Variants in ROR1 observed in about 807,000 individuals in gnomAD.
ROR1 encodes ROR family WNT receptor 1.
A neutral mutation model predicts 78.8 loss-of-function variants in ROR1; 19 were observed. The ratio of observed to expected loss-of-function variants is 0.24; its 90% CI spans 0.17 to 0.35. ROR1 has a LOEUF of 0.35. ROR1 is among the 10% of genes least tolerant of loss of function. The pLI is 1.00. For synonymous variants in ROR1, 386 were observed against 433.6 expected, an observed-to-expected ratio of 0.89 and a Z score of 1.36; for missense variants, 917 against 1,177.8, an observed-to-expected ratio of 0.78 and a Z score of 3.24.
Position 64,136,355 on chromosome 1 carries a change from ATTTTT to A in ROR1, c.483-1001_483-997del, listed in dbSNP as rs561354647. On this transcript the variant is annotated intron_variant, in intron 4 of 8. Coordinates refer to ENST00000371079, the MANE Select transcript of ROR1 (RefSeq NM_005012.4). ...AGAAACCAAAGGGGAAAAACGGTGT[ATTTTT>A]TTTTTTTTTTTTGAGATGATATATT... is the stretch of plus-strand genomic sequence containing the variant. Among the ~76,000 whole-genome samples the A allele has an allele frequency of 3.8e-3, 527 of 138,008 alleles. 6 individuals are homozygous for A. Among genetic ancestry groups the A allele is most frequent in the African/African-American group, 0.013 (513 of 38,068 alleles). The allele number at this position is 138,008 out of a possible 152,430, so 90.5% of individuals were successfully genotyped here.
At chr1:64,143,165 T>A in intron 7 of ROR1, 2 of 989,484 alleles carry the variant, frequency 2.0e-6, no homozygotes, top group Non-Finnish European at 2.4e-6. Flanking sequence ...AGGTATCTAG[T>A]AAGAAAATGG....
intron 7 of ROR1, among the ~76,000 whole-genome samples, chr1:64,152,340 C>G (rs1649652214): frequency 6.6e-6 from 1 of 152,144 alleles, no homozygotes; most frequent in African/African-American, 2.4e-5. Context: ...CTTTAGAGCC[C>G]TCCTTAAAAA....
intron 1 of ROR1, among the ~76,000 whole-genome samples, chr1:63,890,363 T>C (rs1645385480): frequency 6.6e-6 from 1 of 151,322 alleles, no homozygotes; most frequent in African/African-American, 2.4e-5. Context: ...TTATTCATTC[T>C]ACTCATTTAC....
chr1:64,012,918 T>C (rs779973230), intron 2 of ROR1, among the ~76,000 whole-genome samples: 2 of 152,174 alleles, frequency 1.3e-5, no homozygotes, highest in East Asian at 3.9e-4. Flanking sequence ...TCAAGAATAG[T>C]AGTGATCTGG....
At chr1:63,809,601 G>A (rs1644848603) in intron 1 of ROR1, among the ~76,000 whole-genome samples, 1 of 152,204 alleles carries the variant, frequency 6.6e-6, no homozygotes, top group Non-Finnish European at 1.5e-5. Context: ...TTAAGCAAAC[G>A]TGAATGTACT....
In ROR1 at chr1:64,142,644, G is replaced by A. The variant is rs938683403; in HGVS notation, c.1168G>A (p.Ala390Thr). The change falls in exon 7 of 9, where the codon GCG becomes ACG. Residue 390 changes from alanine to threonine, a missense_variant. Physicochemically the swap from Ala to Thr is moderately conservative, Grantham distance 58. Around this residue, in one of 3 missense-constraint regions of ROR1, gnomAD observed 835 missense variants for 1,069.8 expected, o/e 0.78. Coordinates refer to ENST00000371079, the MANE Select transcript of ROR1 (RefSeq NM_005012.4). ...NFKSDLCDIP[A>T]CDSKDSKEKN... The stretch of plus-strand genomic sequence containing the variant: ...TAAGTCTGATCTGTGTGACATCCCA[G>A]CGTGCGGTAAATAGAAGTCATTGCC... 6.2e-7 allele frequency: 1 copy of A among 1,614,046 alleles called. No homozygotes were observed. Among genetic ancestry groups the A allele is most frequent in the South Asian group, 1.1e-5 (1 of 91,070 alleles).
At chr1:63,862,278 C>T (rs533021893) in intron 1 of ROR1, among the ~76,000 whole-genome samples, 2 of 150,606 alleles carry the variant, frequency 1.3e-5, no homozygotes, top group South Asian at 4.2e-4. Flanking sequence ...CTTGTAATCC[C>T]AGCAACTTGG....
intron 1 of ROR1, among the ~76,000 whole-genome samples, chr1:63,844,182 C>G (rs1328054169): frequency 6.6e-6 from 1 of 152,182 alleles, no homozygotes; most frequent in Non-Finnish European, 1.5e-5. Flanking sequence ...ATGGTTAGCC[C>G]TCAGTAAACG....
At chr1:64,036,795 G>A (rs756283042) in intron 2 of ROR1, among the ~76,000 whole-genome samples, 7 of 152,208 alleles carry the variant, frequency 4.6e-5, no homozygotes, top group Non-Finnish European at 1.0e-4. Flanking sequence ...TCCTGGTTCT[G>A]AGAGTTGACT....
chr1:64,178,238 C>T lies in ROR1; in HGVS notation c.2197C>T (p.Pro733Ser), dbSNP rs1417092760. ...SLMTECWNEI[P>S]SRRPRFKDIH... ...CATGACAGAGTGCTGGAATGAGATT[C>T]CTTCTAGGAGACCAAGATTTAAAGA... Residue 733 changes from proline (P) to serine (S), a missense_variant, in exon 9 of 9, where the codon CCT (proline) becomes TCT (serine). Coordinates refer to ENST00000371079, the MANE Select transcript of ROR1 (RefSeq NM_005012.4). The surrounding 1 kb of genome is among the most constrained non-coding windows in gnomAD (Gnocchi z 4.3). The T allele has an allele frequency of 1.2e-6, 2 of 1,614,112 alleles. No homozygotes were observed. The highest frequency in any genetic ancestry group is 1.1e-5 in the South Asian group (1 of 91,072).
At chr1:63,853,555 T>C (rs576139322) in intron 1 of ROR1, among the ~76,000 whole-genome samples, 67 of 152,340 alleles carry the variant, frequency 4.4e-4, no homozygotes, top group Admixed American at 7.8e-4. Flanking sequence ...GAAACATGTC[T>C]GATCTCAAGC....
intron 1 of ROR1, among the ~76,000 whole-genome samples, chr1:63,993,103 T>C (rs566734666): frequency 1.3e-5 from 2 of 152,328 alleles, no homozygotes; most frequent in African/African-American, 4.8e-5. Flanking sequence ...CAAATTAGTA[T>C]GGCTCCCTGG....
At chr1:64,040,851 A>G (rs1374835243) in intron 2 of ROR1, among the ~76,000 whole-genome samples, 2 of 152,212 alleles carry the variant, frequency 1.3e-5, no homozygotes, top group African/African-American at 4.8e-5. Flanking sequence ...TTCAGACCAT[A>G]TATCCACAAA....
intron 1 of ROR1, among the ~76,000 whole-genome samples, chr1:63,841,489 G>A (rs1645049103): frequency 1.3e-5 from 2 of 152,190 alleles, no homozygotes; most frequent in Admixed American, 6.5e-5. Context: ...GCTTTTTAAT[G>A]ACATGATATT....
At chr1:64,127,459 G>A (rs1209268161) in intron 4 of ROR1, among the ~76,000 whole-genome samples, 2 of 151,346 alleles carry the variant, frequency 1.3e-5, no homozygotes, top group African/African-American at 4.9e-5. Flanking sequence ...TCCTCTGTGT[G>A]TGTCTGTCTC....
At chr1:63,822,654 T>C (rs376481747) in intron 1 of ROR1, among the ~76,000 whole-genome samples, 1 of 152,222 alleles carries the variant, frequency 6.6e-6, no homozygotes, top group African/African-American at 2.4e-5. Context: ...ATCAGTGTTA[T>C]TGTGAACAGC....
intron 1 of ROR1, among the ~76,000 whole-genome samples, chr1:63,976,566 A>C (rs1426381768): frequency 6.6e-6 from 1 of 152,206 alleles, no homozygotes; most frequent in Non-Finnish European, 1.5e-5. Flanking sequence ...ATGTACTATA[A>C]AACCATAACC....
At chr1:63,894,587 C>T (rs759183509) in intron 1 of ROR1, among the ~76,000 whole-genome samples, 1 of 152,104 alleles carries the variant, frequency 6.6e-6, no homozygotes, top group Non-Finnish European at 1.5e-5. Context: ...GATGGGGCTC[C>T]TGTAGCACAG....
chr1:63,906,623 C>T (rs937586740), intron 1 of ROR1, among the ~76,000 whole-genome samples: 4 of 152,156 alleles, frequency 2.6e-5, no homozygotes, highest in Non-Finnish European at 5.9e-5. Context: ...ACCCCTTTCA[C>T]CCCCACCCTG....
Sources: gnomAD v4.1 joint callset for allele counts (sites outside exome capture counted in the v4.1 genomes callset) on GRCh38, gnomAD v4.1.1 for gene constraint, gnomAD v4.1.1 regional missense constraint, Gnocchi (gnomAD v3.1) non-coding constraint, MANE v1.5 for transcripts, NCBI Gene and HGNC (gene_info 2026-07-23, HGNC 2026-07-21) for gene names.